The following CYP4F22 variants were observed in gnomAD, a reference collection of about 807,000 sequenced individuals.
CYP4F22 encodes ultra-long-chain fatty acid omega-hydroxylase.
CYP4F22 carries 37 observed loss-of-function variants against 60.4 expected under a neutral mutation model. The observed-to-expected ratio is 0.61, with a 90% confidence interval of 0.47 to 0.81. The LOEUF is 0.81. Ranked by LOEUF, CYP4F22 falls within the 30% of genes least tolerant of loss-of-function variation. The pLI is 0.00. For synonymous variants in CYP4F22, 258 were observed against 280.5 expected, an observed-to-expected ratio of 0.92 and a Z score of 0.80; for missense variants, 655 against 715.0, an observed-to-expected ratio of 0.92 and a Z score of 0.96.
rs1449937448 is a variant in CYP4F22, at chr19:15,551,549, G to T, written c.*78G>T. On this transcript the variant is annotated 3_prime_UTR_variant, in exon 14 of 14. Coordinates refer to ENST00000269703, the MANE Select transcript of CYP4F22 (RefSeq NM_173483.4). ...CCAGGACTCGCCCCAAAGATCCCGA[G>T]GGCATAGGCCACCCCCCTCGAAGTT... 3 of 1,491,728 alleles carry T rather than the reference G, an allele frequency of 2.0e-6. No individual in the cohort carries two copies. The highest frequency in any genetic ancestry group is 2.7e-6 in the Non-Finnish European group (3 of 1,111,000). 92.4% of individuals were successfully genotyped at this position (1,491,728 alleles called of 1,614,324 possible).
rs571748845 is a variant in CYP4F22, at chr19:15,548,629, G to A, written c.1270+388G>A. Among the ~76,000 whole-genome samples, 8 of 152,234 alleles carry A rather than the reference G, an allele frequency of 5.3e-5. No individual in the cohort carries two copies. In the East Asian group the frequency reaches 9.7e-4, roughly 18 times the overall value. On this transcript the variant is annotated intron_variant, in intron 11 of 13. Transcript: ENST00000269703. ...CAGCAGGGTGCAGACATTCCCAGGC[G>A]TATGGAATCAGGAATGGGCTAAAGG...
At chr19:15,509,912 T>TC (rs1971067663) in intron 1 of CYP4F22, among the ~76,000 whole-genome samples, 4 of 128,812 alleles carry the variant, frequency 3.1e-5, no homozygotes, top group Admixed American at 7.9e-5. Context: ...TTCCTTTCTT[T>TC]CTTTCCTTCC....
chr19:15,536,515 TAGTC>T (rs1221027044), intron 4 of CYP4F22, among the ~76,000 whole-genome samples: 3 of 151,918 alleles, frequency 2.0e-5, no homozygotes, highest in Non-Finnish European at 4.4e-5. Flanking sequence ...TCAGATCTGA[TAGTC>T]AGATGAGATT....
chr19:15,532,455 A>C (rs1429730223), intron 4 of CYP4F22, among the ~76,000 whole-genome samples: 1 of 151,372 alleles, frequency 6.6e-6, no homozygotes, highest in Admixed American at 6.6e-5. Context: ...GCTCACTGCA[A>C]CCTCTGCCTC....
At chr19:15,514,312 A>G (rs1211673393) in intron 1 of CYP4F22, among the ~76,000 whole-genome samples, 1 of 152,230 alleles carries the variant, frequency 6.6e-6, no homozygotes, top group African/African-American at 2.4e-5. Context: ...TGTCGGTTAG[A>G]TTATTGATAA....
intron 7 of CYP4F22, among the ~76,000 whole-genome samples, chr19:15,539,522 AC>A (rs1971434995): frequency 6.6e-6 from 1 of 152,368 alleles, no homozygotes; most frequent in Non-Finnish European, 1.5e-5. Context: ...GTGTGAACAT[AC>A]ATTTTTAATT....
intron 1 of CYP4F22, among the ~76,000 whole-genome samples, chr19:15,510,966 A>ATATATATATATATTTT (rs34055543): frequency 4.8e-5 from 5 of 103,308 alleles, no homozygotes; most frequent in Admixed American, 1.1e-4. Context: ...ATATATATAT[A>ATATATATATATATTTT]TTTTTTTTTT....
In CYP4F22 at chr19:15,512,237, G is replaced by T. The variant is rs907452145; in HGVS notation, c.-109+3654G>T. On this transcript the variant is annotated intron_variant, in intron 1 of 13. Coordinates refer to ENST00000269703, the MANE Select transcript of CYP4F22 (RefSeq NM_173483.4). ...TTGGCAAAGGGAGGCTGATGGCAGG[G>T]ACTGGGTTCACCCAAGGCTGCTAAC... is the stretch of plus-strand genomic sequence containing the variant. Among the ~76,000 whole-genome samples the T allele has an allele frequency of 6.6e-5, 10 of 152,258 alleles. No individual in the cohort carries two copies. In the East Asian group the frequency reaches 1.9e-3, roughly 29 times the overall value.
intron 2 of CYP4F22, among the ~76,000 whole-genome samples, chr19:15,524,670 G>GAA: frequency 9.0e-6 from 1 of 111,328 alleles, no homozygotes; most frequent in Non-Finnish European, 2.1e-5. Flanking sequence ...AAGAAAGAAG[G>GAA]AGAGAGAGAG....
chr19:15,524,180 G>A (rs904735979), intron 2 of CYP4F22, among the ~76,000 whole-genome samples: 8 of 152,166 alleles, frequency 5.3e-5, no homozygotes, highest in East Asian at 1.9e-4. Flanking sequence ...ACAGGATGCC[G>A]AGTGAAGGAA....
intron 3 of CYP4F22, among the ~76,000 whole-genome samples, chr19:15,527,978 T>C (rs1306038460): frequency 1.3e-5 from 2 of 152,202 alleles, no homozygotes; most frequent in Non-Finnish European, 2.9e-5. Flanking sequence ...TCCTGCCTCA[T>C]ACAGCAGGTG....
chr19:15,519,156 C>T (rs1255368457), intron 1 of CYP4F22, among the ~76,000 whole-genome samples: 1 of 151,990 alleles, frequency 6.6e-6, no homozygotes, highest in Admixed American at 6.6e-5. Context: ...GGGGTGAGAT[C>T]CTCAGGATGT....
chr19:15,525,393 C>A lies in CYP4F22; in HGVS notation c.57C>A (p.Phe19Leu), dbSNP rs1488341682. The stretch of plus-strand genomic sequence containing the variant: ...TCCTGGGGCTGGAGAAGACGGCGTT[C>A]CGCATATACGCGGTGTCCACCCTTC... ...LHLLGLEKTA[F>L]RIYAVSTLLL... Residue 19 changes from phenylalanine (F) to leucine (L), a missense_variant, in exon 3 of 14, where the codon TTC (phenylalanine) becomes TTA (leucine). Phe to Leu is a conservative substitution (Grantham distance 22, BLOSUM62 0). This residue lies in a region of CYP4F22 where 430 missense variants were observed against 457.1 expected (regional missense o/e 0.94). Coordinates refer to ENST00000269703, the MANE Select transcript of CYP4F22 (RefSeq NM_173483.4). The A allele has an allele frequency of 1.9e-6, 3 of 1,614,176 alleles. No homozygotes were observed. The highest frequency in any genetic ancestry group is 2.5e-6 in the Non-Finnish European group (3 of 1,180,046).
rs8100255 is a variant in CYP4F22, at chr19:15,544,357, C to T, written c.1136+78C>T. On this transcript the variant is annotated intron_variant, in intron 10 of 13. Coordinates refer to ENST00000269703, the MANE Select transcript of CYP4F22 (RefSeq NM_173483.4). The stretch of plus-strand genomic sequence containing the variant: ...GTGTAAGCCTCTGCTCTCCCACTTA[C>T]TGATTGTGTGACCTCAGACAAGCCA... 0.72 allele frequency: 1,096,083 copies of T among 1,520,274 alleles called. 397,735 individuals carry two copies. The highest frequency in any genetic ancestry group is 0.92 in the East Asian group (37,792 of 41,038). The allele number at this position is 1,520,274 out of a possible 1,614,324, so 94.2% of individuals were successfully genotyped here.
chr19:15,508,751 T>C (rs1971049144), intron 1 of CYP4F22, among the ~76,000 whole-genome samples, 168 bp downstream of exon 1: 1 of 151,484 alleles, frequency 6.6e-6, no homozygotes, highest in African/African-American at 2.4e-5. Context: ...AGGACGGGGC[T>C]GCATGCCCGG....
rs1971600050 is a variant in CYP4F22, at chr19:15,551,667, C to T, written c.*196C>T. 1 of 671,850 alleles carries T rather than the reference C, an allele frequency of 1.5e-6. No individual in the cohort carries two copies. Among genetic ancestry groups the T allele is most frequent in the Non-Finnish European group, 2.5e-6 (1 of 402,916 alleles). The allele number at this position is 671,850 out of a possible 1,614,324, so 41.6% of individuals were successfully genotyped here. A position where few individuals can be genotyped will look rare whatever the true frequency, so the allele number is the denominator to read the frequency against. ...AGGCAAGGCTCCTCCCCTTAGGGGG[C>T]CTGATCCCGCCCCTTGAGGCTTAGG... On this transcript the variant is annotated 3_prime_UTR_variant, in exon 14 of 14. Coordinates refer to ENST00000269703, the MANE Select transcript of CYP4F22 (RefSeq NM_173483.4).
At chr19:15,515,375 C>T in intron 1 of CYP4F22, 1 of 1,239,312 alleles carries the variant, frequency 8.1e-7, no homozygotes, top group Non-Finnish European at 1.2e-6. Context: ...GATCCATTTC[C>T]TGTTCTTGGC....
At position 15,515,723 on chromosome 19, in the gene CYP4F22, C is replaced by CT. The variant is rs916696044; in HGVS notation, c.-109+7148dup. Among the ~76,000 whole-genome samples the CT allele has an allele frequency of 4.6e-5, 7 of 150,844 alleles. No individual in the cohort carries two copies. The East Asian group carries it at 6.1e-4, about 13-fold the overall frequency. Reference sequence around the variant, plus strand: ...CCTGGGCAACAGAGCGAGACTCTGTCTTTTTTTTATTTTCTTTTGAGATGG... The same window carrying CT: ...CCTGGGCAACAGAGCGAGACTCTGTCTTTTTTTTTATTTTCTTTTGAGATGG... On this transcript the variant is annotated intron_variant, in intron 1 of 13. Coordinates refer to ENST00000269703, the MANE Select transcript of CYP4F22 (RefSeq NM_173483.4).
intron 4 of CYP4F22, among the ~76,000 whole-genome samples, chr19:15,533,785 G>T (rs1245912673): frequency 6.6e-6 from 1 of 151,714 alleles, no homozygotes; most frequent in East Asian, 1.9e-4. Flanking sequence ...TTTTATTTTT[G>T]TAGAGATGGG....
Sources: allele counts gnomAD v4.1 joint callset (sites outside exome capture counted in the v4.1 genomes callset), GRCh38; gene constraint gnomAD v4.1.1; regional missense constraint gnomAD v4.1.1; transcripts MANE v1.5; gene names NCBI Gene and HGNC (gene_info 2026-07-23, HGNC 2026-07-21).